TXNL1: variants seen among roughly 807,000 people sequenced by gnomAD.
TXNL1 encodes thioredoxin like 1.
In TXNL1, 14 loss-of-function variants were observed where a neutral mutation model predicts 35.5. That is an observed-to-expected ratio of 0.39 (90% CI 0.26 to 0.62). The LOEUF is 0.62. TXNL1 is among the 20% of genes least tolerant of loss of function. TXNL1 has a pLI of 0.47. For synonymous variants in TXNL1, 110 were observed against 115.5 expected (o/e 0.95, Z 0.31); for missense variants, 263 against 349.7 (o/e 0.75, Z 1.98).
intron 1 of TXNL1, among the ~76,000 whole-genome samples, chr18:56,635,690 TA>T (rs2024444634): frequency 6.6e-6 from 1 of 152,308 alleles, no homozygotes; most frequent in African/African-American, 2.4e-5. Flanking sequence ...TTAATGGATA[TA>T]GAATTTCTGT....
chr18:56,618,948 G>A (rs2024134746), intron 3 of TXNL1, among the ~76,000 whole-genome samples: 1 of 152,046 alleles, frequency 6.6e-6, no homozygotes, highest in Non-Finnish European at 1.5e-5. Context: ...GATGGCTCAT[G>A]CTTCTAATCC....
intron 4 of TXNL1, among the ~76,000 whole-genome samples, chr18:56,616,929 G>C (rs900087827): frequency 6.6e-6 from 1 of 152,164 alleles, no homozygotes; most frequent in African/African-American, 2.4e-5. Flanking sequence ...TGGATCATTT[G>C]CTCAATCTTC....
chr18:56,633,710 G>T (rs575998012), intron 1 of TXNL1, among the ~76,000 whole-genome samples: 1 of 151,704 alleles, frequency 6.6e-6, no homozygotes, highest in South Asian at 2.1e-4. Flanking sequence ...CATTGGCTGG[G>T]TGTGGTGGCT....
In TXNL1 at chr18:56,638,583, G is replaced by C; in HGVS notation, c.-143C>G. The C allele has an allele frequency of 1.3e-6, 1 of 748,540 alleles. No homozygotes were observed. Among genetic ancestry groups the C allele is most frequent in the Non-Finnish European group, 2.0e-6 (1 of 496,576 alleles). The allele number at this position is 748,540 out of a possible 1,614,324, so 46.4% of individuals were successfully genotyped here. ...TGGCGACCGCCGAGTCTTCTCCCGG[G>C]ACTCTCAGTGCCGAGTCACGCCAGG... On this transcript the variant is annotated 5_prime_UTR_variant, in exon 1 of 8. Transcript: ENST00000217515.
intron 1 of TXNL1, among the ~76,000 whole-genome samples, chr18:56,633,999 A>T (rs886794469): frequency 1.3e-5 from 2 of 151,310 alleles, no homozygotes; most frequent in African/African-American, 4.9e-5. Context: ...AAAAAAAAAA[A>T]AAAAAAAAAA....
intron 6 of TXNL1, among the ~76,000 whole-genome samples, chr18:56,612,526 C>T (rs1333960031): frequency 6.6e-6 from 1 of 152,080 alleles, no homozygotes; most frequent in Non-Finnish European, 1.5e-5. Context: ...TAGGTGCTGT[C>T]TACTTTAAAA....
intron 3 of TXNL1, among the ~76,000 whole-genome samples, chr18:56,621,052 ATCTATATGTCACT>A (rs2024172727): frequency 6.6e-6 from 1 of 152,200 alleles, no homozygotes; most frequent in Admixed American, 6.5e-5. Flanking sequence ...CTTCCATCCT[ATCTATATGTCACT>A]TCAATATGGT....
chr18:56,629,452 C>T (rs575817642), intron 1 of TXNL1, among the ~76,000 whole-genome samples: 5 of 152,276 alleles, frequency 3.3e-5, no homozygotes, highest in South Asian at 2.1e-4. Context: ...CACTTGCACC[C>T]GGGAAGCGGA....
intron 3 of TXNL1, among the ~76,000 whole-genome samples, chr18:56,618,897 T>G (rs1338352127): frequency 6.6e-6 from 1 of 151,920 alleles, no homozygotes. Context: ...TCCAAAAAAG[T>G]ATACACCAAT....
intron 1 of TXNL1, among the ~76,000 whole-genome samples, chr18:56,637,403 A>T (rs992306569): frequency 3.3e-5 from 5 of 152,176 alleles, no homozygotes; most frequent in Non-Finnish European, 7.3e-5. Flanking sequence ...TAAAGCGGAA[A>T]CCTCTCATAC....
chr18:56,603,502 T>C (rs865850958), intron 7 of TXNL1, among the ~76,000 whole-genome samples: 1 of 152,088 alleles, frequency 6.6e-6, no homozygotes, highest in Non-Finnish European at 1.5e-5. Flanking sequence ...TCCCCCTCAA[T>C]ACACTGACAT....
chr18:56,624,963 C>T (rs1027989425), intron 2 of TXNL1, among the ~76,000 whole-genome samples: 3 of 152,038 alleles, frequency 2.0e-5, no homozygotes, highest in Admixed American at 6.5e-5. Flanking sequence ...TTTTGGTCAC[C>T]CATCAAAACA....
intron 3 of TXNL1, among the ~76,000 whole-genome samples, chr18:56,623,035 T>C (rs1468456964): frequency 1.3e-5 from 2 of 152,184 alleles, no homozygotes; most frequent in Admixed American, 6.5e-5. Context: ...TTTTGGACTA[T>C]AGCATCTCTT....
Position 56,610,868 on chromosome 18 carries a change from A to AATTTC in TXNL1, c.840+120_840+124dup. ...TTTCTATCCTAGTTTAGCCTTGTAA[A>AATTTC]ATTTCATGACATGATATAATTTTGA... is the stretch of plus-strand genomic sequence containing the variant. On this transcript the variant is annotated intron_variant, in intron 7 of 7. Coordinates refer to ENST00000217515, the MANE Select transcript of TXNL1 (RefSeq NM_004786.3). The AATTTC allele has an allele frequency of 4.8e-6, 3 of 619,764 alleles. No homozygotes were observed. The South Asian group carries it at 7.4e-5, about 15-fold the overall frequency. 38.4% of individuals were successfully genotyped at this position (619,764 alleles called of 1,614,324 possible).
intron 7 of TXNL1, among the ~76,000 whole-genome samples, chr18:56,605,440 G>A (rs2023875703): frequency 6.6e-6 from 1 of 152,196 alleles, no homozygotes; most frequent in Admixed American, 6.6e-5. Flanking sequence ...TGAATGGCCA[G>A]TTTAGAAAAG....
chr18:56,628,309 C>A (rs1467924397), intron 1 of TXNL1, among the ~76,000 whole-genome samples: 1 of 152,154 alleles, frequency 6.6e-6, no homozygotes, highest in East Asian at 1.9e-4. Flanking sequence ...AAAAACCAAA[C>A]TGCTAAAATA....
chr18:56,616,127 G>C (rs2024082218), intron 5 of TXNL1, 118 bp downstream of exon 5: 1 of 830,254 alleles, frequency 1.2e-6, no homozygotes, highest in South Asian at 1.8e-5. Flanking sequence ...ACAAGACTCT[G>C]TCTCAAAAAA....
rs551214675 is a variant in TXNL1 at position 56,616,501 on chromosome 18, C to A, written c.493-187G>T. ...ATTAGATAACATCTGAGAACTACTACTATTAGTTATGTATATAAGGGAATA... is the reference window on the plus strand; with the variant it reads ...ATTAGATAACATCTGAGAACTACTAATATTAGTTATGTATATAAGGGAATA... On this transcript the variant is annotated intron_variant, in intron 4 of 7. Transcript: ENST00000217515. Among the ~76,000 whole-genome samples the A allele has an allele frequency of 2.0e-5, 3 of 151,940 alleles. No homozygotes were observed. The South Asian group carries it at 6.2e-4, about 32-fold the overall frequency.
At chr18:56,633,340 G>C (rs918315614) in intron 1 of TXNL1, among the ~76,000 whole-genome samples, 9 of 151,468 alleles carry the variant, frequency 5.9e-5, no homozygotes, top group African/African-American at 2.2e-4. Context: ...CCAGCTACTC[G>C]GGAGGCTGAG....
Sources: allele counts gnomAD v4.1 joint callset (sites outside exome capture counted in the v4.1 genomes callset), GRCh38; gene constraint gnomAD v4.1.1; transcripts MANE v1.5; gene names NCBI Gene and HGNC (gene_info 2026-07-23, HGNC 2026-07-21).